The following MSI2 variants were observed in gnomAD, a reference collection of about 807,000 sequenced individuals.
The protein encoded by MSI2 is musashi RNA binding protein 2.
MSI2 carries 17 observed loss-of-function variants against 45.6 expected under a neutral mutation model. The observed-to-expected ratio is 0.37, with a 90% CI of 0.26 to 0.56. The LOEUF (loss-of-function observed/expected upper bound fraction) is 0.56. MSI2 is among the 20% of genes least tolerant of loss of function. MSI2 has a pLI of 0.77. For missense variants in MSI2, 293 were observed against 444.2 expected (o/e 0.66, Z 3.06); for synonymous variants, 156 against 158.2 (o/e 0.99, Z 0.11).
At chr17:57,303,670 C>A (rs1008637718) in intron 5 of MSI2, among the ~76,000 whole-genome samples, 3 of 152,160 alleles carry the variant, frequency 2.0e-5, no homozygotes, top group Non-Finnish European at 4.4e-5. Flanking sequence ...CTACATCACT[C>A]GGAATACCTG....
chr17:57,313,134 T>C (rs894137755), intron 5 of MSI2, among the ~76,000 whole-genome samples: 4 of 152,192 alleles, frequency 2.6e-5, no homozygotes, highest in Non-Finnish European at 5.9e-5. Context: ...CGTGAGCCAC[T>C]GCACCCGGCC....
chr17:57,426,595 C>T (rs900711496), intron 6 of MSI2, among the ~76,000 whole-genome samples: 21 of 152,102 alleles, frequency 1.4e-4, no homozygotes, highest in Non-Finnish European at 5.9e-5. Flanking sequence ...TTATTTTTTT[C>T]ATTCAGTAGT....
intron 5 of MSI2, among the ~76,000 whole-genome samples, chr17:57,344,377 A>T (rs1047625339): frequency 6.6e-6 from 1 of 152,222 alleles, no homozygotes; most frequent in Admixed American, 6.5e-5. Context: ...GAGGCCCTTC[A>T]TTCTGATTCC....
intron 5 of MSI2, among the ~76,000 whole-genome samples, chr17:57,318,544 T>C (rs1167236873): frequency 5.3e-5 from 8 of 151,764 alleles, no homozygotes; most frequent in Non-Finnish European, 7.4e-5. Context: ...AATTGTGGGC[T>C]GTGTCAGGGT....
intron 6 of MSI2, among the ~76,000 whole-genome samples, chr17:57,436,683 G>T (rs2084697015): frequency 6.6e-6 from 1 of 152,226 alleles, no homozygotes; most frequent in South Asian, 2.1e-4. Flanking sequence ...AGACTTGGGT[G>T]GAAGTGAAAG....
intron 5 of MSI2, among the ~76,000 whole-genome samples, chr17:57,363,276 T>A (rs1916952244): frequency 6.6e-6 from 1 of 152,202 alleles, no homozygotes; most frequent in African/African-American, 2.4e-5. Context: ...TTATGGCTCC[T>A]CCTATATGAG....
rs1422465145 is a variant in MSI2 at position 57,627,001 on chromosome 17, G to A, written c.653-228G>A. ...GTTCAGGAAAGTACATGGGCTTTGC[G>A]GGGTCTGGCTGCCCAAATATGGGTT... On this transcript the variant is annotated intron_variant, in intron 9 of 13. Coordinates refer to ENST00000284073, the MANE Select transcript of MSI2 (RefSeq NM_138962.4). This position sits in a 1 kb window ranked among gnomAD's most constrained non-coding sequence, Gnocchi z 4.6. 17 of 593,552 alleles carry A rather than the reference G, an allele frequency of 2.9e-5. 1 individual carries two copies. Among genetic ancestry groups the A allele is most frequent in the South Asian group, 2.6e-4 (13 of 49,272 alleles). The allele number at this position is 593,552 out of a possible 1,614,324, so 36.8% of individuals were successfully genotyped here. A position where few individuals can be genotyped will look rare whatever the true frequency, so the allele number is the denominator to read the frequency against.
intron 6 of MSI2, among the ~76,000 whole-genome samples, chr17:57,412,699 C>T (rs1000640933): frequency 1.3e-5 from 2 of 152,196 alleles, no homozygotes; most frequent in Admixed American, 6.5e-5. Flanking sequence ...ATGGTTGTGG[C>T]TATATTCCAA....
At chr17:57,587,093 A>G (rs1018921349) in intron 7 of MSI2, among the ~76,000 whole-genome samples, 1 of 152,018 alleles carries the variant, frequency 6.6e-6, no homozygotes, top group East Asian at 1.9e-4. Context: ...AGGGATCTGC[A>G]TTTTTGACAA....
intron 6 of MSI2, among the ~76,000 whole-genome samples, chr17:57,489,038 C>A (rs1055327026): frequency 6.6e-6 from 1 of 152,094 alleles, no homozygotes; most frequent in African/African-American, 2.4e-5. Flanking sequence ...GATGCAGCCC[C>A]CTTATGCTAA....
At chr17:57,261,892 C>T (rs1045234506) in intron 4 of MSI2, among the ~76,000 whole-genome samples, 2 of 152,148 alleles carry the variant, frequency 1.3e-5, no homozygotes, top group African/African-American at 4.8e-5. Flanking sequence ...TACATGAGAT[C>T]TGGTTTATTA....
intron 6 of MSI2, among the ~76,000 whole-genome samples, chr17:57,432,019 CCT>C (rs1172931739): frequency 6.6e-6 from 1 of 152,164 alleles, no homozygotes; most frequent in Non-Finnish European, 1.5e-5. Flanking sequence ...GTAATCTGTG[CCT>C]CTCTCCCCTC....
At chr17:57,410,432 T>C (rs1401331496) in intron 6 of MSI2, among the ~76,000 whole-genome samples, 2 of 152,082 alleles carry the variant, frequency 1.3e-5, no homozygotes, top group Non-Finnish European at 2.9e-5. Flanking sequence ...AAGTGGCTGC[T>C]GAAGGCAGGT....
intron 5 of MSI2, among the ~76,000 whole-genome samples, chr17:57,379,098 C>T (rs550703913): frequency 5.3e-5 from 8 of 151,634 alleles, no homozygotes; most frequent in Non-Finnish European, 8.8e-5. Context: ...CTCTCCATCC[C>T]CTCATCAAAC....
At chr17:57,331,158 C>T (rs1026314227) in intron 5 of MSI2, among the ~76,000 whole-genome samples, 1 of 152,030 alleles carries the variant, frequency 6.6e-6, no homozygotes, top group Non-Finnish European at 1.5e-5. Flanking sequence ...AGGTGATCCA[C>T]CCGCCTCGGC....
At chr17:57,519,644 C>T (rs999114253) in intron 6 of MSI2, among the ~76,000 whole-genome samples, 11 of 152,332 alleles carry the variant, frequency 7.2e-5, no homozygotes, top group African/African-American at 2.6e-4. Flanking sequence ...CAATATACCT[C>T]CATTTCCTTG....
chr17:57,484,400 C>A (rs565072316), intron 6 of MSI2, among the ~76,000 whole-genome samples: 2 of 152,318 alleles, frequency 1.3e-5, no homozygotes, highest in Admixed American at 1.3e-4. Context: ...TCTGTAGATT[C>A]CTCAAATATT....
intron 7 of MSI2, among the ~76,000 whole-genome samples, chr17:57,569,942 G>T (rs2087833677): frequency 6.6e-6 from 1 of 152,098 alleles, no homozygotes; most frequent in Non-Finnish European, 1.5e-5. Context: ...AGTGGGAAAG[G>T]GTGTGAAATC....
chr17:57,567,650 C>T (rs997555613), intron 7 of MSI2, among the ~76,000 whole-genome samples: 2 of 152,264 alleles, frequency 1.3e-5, no homozygotes, highest in Non-Finnish European at 2.9e-5. Context: ...GGCTGTACCC[C>T]AAAGACGGCA....
Sources: allele counts gnomAD v4.1 joint callset (sites outside exome capture counted in the v4.1 genomes callset), GRCh38; gene constraint gnomAD v4.1.1; non-coding constraint Gnocchi (gnomAD v3.1); transcripts MANE v1.5; gene names NCBI Gene and HGNC (gene_info 2026-07-23, HGNC 2026-07-21).